The following C8orf34 variants were observed in gnomAD, a reference collection of about 807,000 sequenced individuals.
C8orf34 encodes uncharacterized protein C8orf34.
C8orf34 carries 65 observed loss-of-function variants against 68.3 expected under a neutral mutation model. The ratio of observed to expected loss-of-function variants is 0.95; its 90% confidence interval spans 0.78 to 1.17. The LOEUF is 1.17. C8orf34 is among the 50% of genes most tolerant of loss of function. The pLI is 0.00. For missense variants in C8orf34, 664 were observed against 655.4 expected, an observed-to-expected ratio of 1.01 and a Z score of -0.14; for synonymous variants, 244 against 241.2, an observed-to-expected ratio of 1.01 and a Z score of -0.11.
Position 68,641,819 on chromosome 8 carries a change from C to T in C8orf34, c.1241+1308C>T, listed in dbSNP as rs1819019519. On this transcript the variant is annotated intron_variant, in intron 8 of 13. Transcript: ENST00000518698. ...TTAGCCCTAAATTATCATTCAGCTT[C>T]CTAATATATAGACTGTAAATCACAA... Among the ~76,000 whole-genome samples, 3 of 152,250 alleles carry T rather than the reference C, an allele frequency of 2.0e-5. No individual in the cohort carries two copies. In the South Asian group the frequency reaches 6.2e-4, roughly 32 times the overall value.
chr8:68,347,513 C>T (rs2129618355), intron 1 of C8orf34, among the ~76,000 whole-genome samples: 1 of 152,128 alleles, frequency 6.6e-6, no homozygotes, highest in South Asian at 2.1e-4. Context: ...TGGTAGTTCT[C>T]TTCTTAGGTC....
chr8:68,418,885 A>G (rs1208652560), intron 1 of C8orf34, among the ~76,000 whole-genome samples: 1 of 151,602 alleles, frequency 6.6e-6, no homozygotes, highest in Non-Finnish European at 1.5e-5. Context: ...ACCCTAGAAG[A>G]AAACCTAGGC....
intron 7 of C8orf34, among the ~76,000 whole-genome samples, chr8:68,603,728 G>A (rs1386596740): frequency 6.6e-6 from 1 of 152,032 alleles, no homozygotes; most frequent in Non-Finnish European, 1.5e-5. Context: ...AACCACAGTG[G>A]GGATATGAGT....
At chr8:68,471,344 G>T (rs946754431) in intron 4 of C8orf34, among the ~76,000 whole-genome samples, 4 of 152,042 alleles carry the variant, frequency 2.6e-5, no homozygotes, top group African/African-American at 9.7e-5. Flanking sequence ...CTGAATCTGA[G>T]CTTTATTATT....
intron 7 of C8orf34, among the ~76,000 whole-genome samples, chr8:68,632,886 T>C (rs1281880825): frequency 6.6e-5 from 10 of 152,082 alleles, no homozygotes; most frequent in African/African-American, 2.2e-4. Context: ...TTTCAGAGAA[T>C]GTATGGAGAT....
At chr8:68,766,166 A>AGTCCTTGG (rs1176641884) in intron 10 of C8orf34, among the ~76,000 whole-genome samples, 1 of 152,246 alleles carries the variant, frequency 6.6e-6, no homozygotes. Context: ...AGTTAAGGAA[A>AGTCCTTGG]TATGAGCCAA....
chr8:68,625,839 G>A lies in C8orf34; in HGVS notation c.1106-14537G>A, dbSNP rs1818524347. Among the ~76,000 whole-genome samples, 3 of 152,328 alleles carry A rather than the reference G, an allele frequency of 2.0e-5. No homozygotes were observed. The East Asian group carries it at 5.8e-4, about 29-fold the overall frequency. On this transcript the variant is annotated intron_variant, in intron 7 of 13. Coordinates refer to ENST00000518698, the MANE Select transcript of C8orf34 (RefSeq NM_052958.4). ...TGCTGAGCATGAGATAGAAATAAAG[G>A]AAGTTTGGAGGGGAGATGATAAGGA...
At chr8:68,765,272 C>A (rs900694978) in intron 10 of C8orf34, among the ~76,000 whole-genome samples, 5 of 152,188 alleles carry the variant, frequency 3.3e-5, no homozygotes, top group Non-Finnish European at 7.4e-5. Flanking sequence ...GCCCAATGTG[C>A]GTAAGCATAA....
chr8:68,334,913 C>T (rs1805781761), intron 1 of C8orf34, among the ~76,000 whole-genome samples: 1 of 152,128 alleles, frequency 6.6e-6, no homozygotes, highest in Non-Finnish European at 1.5e-5. Flanking sequence ...TCTGGTACCC[C>T]ACGGCACTTC....
At chr8:68,393,088 G>T (rs1013291459) in intron 1 of C8orf34, among the ~76,000 whole-genome samples, 2 of 152,112 alleles carry the variant, frequency 1.3e-5, no homozygotes, top group East Asian at 3.9e-4. Context: ...CTTGTATTTG[G>T]TGAATTTCAT....
rs1207809234 is a variant in C8orf34 at position 68,802,771 on chromosome 8, G to A, written c.1550-13115G>A. Among the ~76,000 whole-genome samples, 5 of 152,082 alleles carry A rather than the reference G, an allele frequency of 3.3e-5. No homozygotes were observed. The South Asian group carries it at 1.0e-3, about 32-fold the overall frequency. ...TTTAGGAGGCAATGGGCCTGCCAAA[G>A]TTTTCGGGCTACAGGCATGCACCAC... On this transcript the variant is annotated intron_variant, in intron 12 of 13. Transcript: ENST00000518698.
At chr8:68,695,207 C>T (rs893247301) in intron 8 of C8orf34, among the ~76,000 whole-genome samples, 3 of 149,636 alleles carry the variant, frequency 2.0e-5, no homozygotes, top group Non-Finnish European at 4.4e-5. Context: ...AGTGCAATGG[C>T]GTGATCTCAA....
At chr8:68,549,991 T>C (rs1206441779) in intron 7 of C8orf34, among the ~76,000 whole-genome samples, 1 of 151,870 alleles carries the variant, frequency 6.6e-6, no homozygotes, top group Non-Finnish European at 1.5e-5. Context: ...CATGTTTATA[T>C]TTAAAGAGAG....
At chr8:68,370,286 A>C (rs115304532) in intron 1 of C8orf34, among the ~76,000 whole-genome samples, 1,619 of 152,284 alleles carry the variant, frequency 0.011, 26 homozygotes, top group African/African-American at 0.037. Context: ...CCTGTTGGTC[A>C]AAACATTTTG....
intron 12 of C8orf34, among the ~76,000 whole-genome samples, chr8:68,794,922 T>G (rs1397572182): frequency 2.6e-5 from 4 of 152,196 alleles, no homozygotes; most frequent in Non-Finnish European, 5.9e-5. Context: ...TTTTGGAGTT[T>G]GGATTTTCAG....
chr8:68,775,042 T>G (rs1240687257), intron 10 of C8orf34, among the ~76,000 whole-genome samples: 1 of 142,660 alleles, frequency 7.0e-6, no homozygotes, highest in Middle Eastern at 3.5e-3. Context: ...CACTTGAACC[T>G]GGGAGGCGGA....
chr8:68,623,812 C>A (rs1210252429), intron 7 of C8orf34, among the ~76,000 whole-genome samples: 1 of 152,042 alleles, frequency 6.6e-6, no homozygotes, highest in East Asian at 1.9e-4. Context: ...GTTCCACTCA[C>A]ATGACCTAAT....
intron 8 of C8orf34, among the ~76,000 whole-genome samples, chr8:68,682,155 T>C (rs561119887): frequency 6.6e-6 from 1 of 152,130 alleles, no homozygotes; most frequent in Non-Finnish European, 1.5e-5. Flanking sequence ...AGTACTGCTG[T>C]AGACTGTAGT....
chr8:68,448,943 T>C (rs1473490592), intron 3 of C8orf34, among the ~76,000 whole-genome samples: 1 of 152,046 alleles, frequency 6.6e-6, no homozygotes, highest in East Asian at 1.9e-4. Flanking sequence ...GTTATTTAAT[T>C]AAGAAGACAT....
Sources: allele counts gnomAD v4.1 joint callset (sites outside exome capture counted in the v4.1 genomes callset), GRCh38; gene constraint gnomAD v4.1.1; transcripts MANE v1.5; gene names NCBI Gene and HGNC (gene_info 2026-07-23, HGNC 2026-07-21).